UNC5D: variants seen among roughly 807,000 people sequenced by gnomAD.
UNC5D encodes netrin receptor UNC5D.
UNC5D carries 39 observed loss-of-function variants against 105.4 expected under a neutral mutation model. The ratio of observed to expected loss-of-function variants is 0.37; its 90% CI spans 0.29 to 0.48. UNC5D has a LOEUF of 0.48. Ranked by LOEUF, UNC5D falls within the 20% of genes least tolerant of loss-of-function variation. UNC5D has a pLI of 0.98. For synonymous variants in UNC5D, 452 were observed against 450.4 expected (o/e 1.00, Z -0.04); for missense variants, 991 against 1,202.4 (o/e 0.82, Z 2.60).
chr8:35,694,820 A>G (rs1826643904), intron 7 of UNC5D, among the ~76,000 whole-genome samples: 1 of 152,168 alleles, frequency 6.6e-6, no homozygotes, highest in African/African-American at 2.4e-5. Flanking sequence ...GGTTCAAGTG[A>G]TCCTCCCACC....
At chr8:35,566,520 A>G (rs917559972) in intron 2 of UNC5D, among the ~76,000 whole-genome samples, 1 of 152,242 alleles carries the variant, frequency 6.6e-6, no homozygotes, top group Non-Finnish European at 1.5e-5. Context: ...ATCAAGTGTA[A>G]GTACTAAAAT....
rs1162107066 is a variant in UNC5D at position 35,686,679 on chromosome 8, G to A, written c.1054G>A (p.Glu352Lys). The A allele has an allele frequency of 1.9e-6, 3 of 1,603,562 alleles. No individual in the cohort carries two copies. The highest frequency in any genetic ancestry group is 2.5e-6 in the Non-Finnish European group (3 of 1,176,822). The change falls in exon 7 of 17, where the codon GAA becomes AAA. Residue 352 changes from glutamate to lysine, a missense_variant. Coordinates refer to ENST00000404895, the MANE Select transcript of UNC5D (RefSeq NM_080872.4). The part of the protein sequence containing the change: ...KFCEGLSQES[E>K]NCTDGLCILD... ...CTGTGAAGGTCTAAGCCAGGAATCT[G>A]AAAACTGCACAGATGGTCTTTGCAT...
chr8:35,356,385 G>A (rs748799999), intron 1 of UNC5D, among the ~76,000 whole-genome samples: 2 of 151,976 alleles, frequency 1.3e-5, no homozygotes, highest in Non-Finnish European at 2.9e-5. Flanking sequence ...ATGCCTCTGG[G>A]CATCCAACTG....
intron 1 of UNC5D, among the ~76,000 whole-genome samples, chr8:35,413,429 G>A (rs563794927): frequency 5.3e-5 from 8 of 150,178 alleles, no homozygotes; most frequent in Admixed American, 2.7e-4. Context: ...AACTCATTAA[G>A]AATATAGCCA....
intron 9 of UNC5D, among the ~76,000 whole-genome samples, chr8:35,725,162 T>C (rs975953611): frequency 6.6e-6 from 1 of 152,198 alleles, no homozygotes; most frequent in Admixed American, 6.5e-5. Context: ...TTCAGAAAGA[T>C]CATACTTTAA....
At chr8:35,342,712 G>C (rs1332649584) in intron 1 of UNC5D, among the ~76,000 whole-genome samples, 1 of 152,070 alleles carries the variant, frequency 6.6e-6, no homozygotes, top group Middle Eastern at 3.2e-3. Context: ...CCTGCTCACA[G>C]ATTCCTGGGT....
intron 1 of UNC5D, among the ~76,000 whole-genome samples, chr8:35,393,266 T>C (rs1585738158): frequency 1.3e-5 from 2 of 150,788 alleles, no homozygotes; most frequent in African/African-American, 4.9e-5. Flanking sequence ...CCCGAGTAGC[T>C]GGGACTACAG....
chr8:35,353,608 A>G (rs1158900416), intron 1 of UNC5D, among the ~76,000 whole-genome samples: 1 of 152,194 alleles, frequency 6.6e-6, no homozygotes, highest in Admixed American at 6.6e-5. Flanking sequence ...CATTGTTGGT[A>G]AAAAGCAAAG....
At chr8:35,724,069 G>A in intron 9 of UNC5D, 1 of 1,309,564 alleles carries the variant, frequency 7.6e-7, no homozygotes, top group Non-Finnish European at 9.8e-7. Context: ...CCTAGTACAG[G>A]ATGCCAGCGT....
intron 1 of UNC5D, among the ~76,000 whole-genome samples, chr8:35,385,878 G>T (rs922602775): frequency 2.0e-5 from 3 of 152,018 alleles, no homozygotes; most frequent in Non-Finnish European, 4.4e-5. Context: ...GTTTTTCATG[G>T]TTCACAATAA....
At chr8:35,447,669 C>T (rs1228814147) in intron 1 of UNC5D, among the ~76,000 whole-genome samples, 2 of 152,062 alleles carry the variant, frequency 1.3e-5, no homozygotes, top group African/African-American at 2.4e-5. Context: ...CAATGAACAA[C>T]ATATTTTATT....
chr8:35,379,709 T>C (rs1466649032), intron 1 of UNC5D, among the ~76,000 whole-genome samples: 3 of 151,936 alleles, frequency 2.0e-5, no homozygotes, highest in African/African-American at 7.3e-5. Flanking sequence ...GGAAAACCTG[T>C]GACTTAATGA....
At chr8:35,300,220 G>C (rs146772266) in intron 1 of UNC5D, among the ~76,000 whole-genome samples, 2 of 151,774 alleles carry the variant, frequency 1.3e-5, no homozygotes, top group Admixed American at 1.3e-4. Context: ...AGCCAAGGTG[G>C]GCACATCACC....
chr8:35,710,893 T>C (rs931939830), intron 8 of UNC5D, among the ~76,000 whole-genome samples: 2 of 152,068 alleles, frequency 1.3e-5, no homozygotes, highest in Non-Finnish European at 2.9e-5. Flanking sequence ...CCTGATCACA[T>C]TACATTCCTG....
At chr8:35,561,877 C>A (rs1816991939) in intron 2 of UNC5D, among the ~76,000 whole-genome samples, 1 of 152,114 alleles carries the variant, frequency 6.6e-6, no homozygotes, top group African/African-American at 2.4e-5. Context: ...TATGTTTATG[C>A]TGGGAATATT....
chr8:35,546,290 C>T lies in UNC5D; in HGVS notation c.104-3002C>T, dbSNP rs1815674057. Among the ~76,000 whole-genome samples the T allele has an allele frequency of 3.3e-5, 5 of 152,104 alleles. No individual in the cohort carries two copies. In the South Asian group the frequency reaches 1.0e-3, roughly 32 times the overall value. ...TCTCCTGCTTTCTTTCAGATGCAGG[C>T]TGAACGTGCTGCTTATCTAAAGGAC... On this transcript the variant is annotated intron_variant, in intron 1 of 16. Coordinates refer to ENST00000404895, the MANE Select transcript of UNC5D (RefSeq NM_080872.4).
intron 7 of UNC5D, among the ~76,000 whole-genome samples, chr8:35,696,301 T>G (rs911593719): frequency 6.6e-5 from 10 of 150,666 alleles, no homozygotes; most frequent in Admixed American, 4.0e-4. Flanking sequence ...TTTTTTTTTT[T>G]TTTGCTGTCA....
intron 1 of UNC5D, among the ~76,000 whole-genome samples, chr8:35,533,872 C>T (rs896034282): frequency 6.6e-6 from 1 of 152,240 alleles, no homozygotes; most frequent in Admixed American, 6.5e-5. Context: ...CCTTGCGCTT[C>T]CCAAGTGAGG....
At chr8:35,272,305 G>T (rs1474062745) in intron 1 of UNC5D, among the ~76,000 whole-genome samples, 1 of 152,228 alleles carries the variant, frequency 6.6e-6, no homozygotes, top group East Asian at 1.9e-4. Flanking sequence ...GACCGTCCTT[G>T]GTTGGGTTCC....
Sources: allele counts gnomAD v4.1 joint callset (sites outside exome capture counted in the v4.1 genomes callset), GRCh38; gene constraint gnomAD v4.1.1; transcripts MANE v1.5; gene names NCBI Gene and HGNC (gene_info 2026-07-23, HGNC 2026-07-21).